CC2D2A: variants seen among roughly 807,000 people sequenced by gnomAD.
CC2D2A encodes the protein coiled-coil and C2 domain containing 2A.
Under a neutral mutation model 212.9 loss-of-function variants are expected in CC2D2A, and 155 were observed. That is an observed-to-expected ratio of 0.73 (90% CI 0.64 to 0.83). The LOEUF is 0.83. CC2D2A is among the 40% of genes least tolerant of loss of function. The pLI is 0.00. For synonymous variants in CC2D2A, 667 were observed against 686.5 expected (o/e 0.97, Z 0.44); for missense variants, 1,856 against 1,956.2 (o/e 0.95, Z 0.97).
At chr4:15,473,725 G>A (rs1713988669) in intron 1 of CC2D2A, among the ~76,000 whole-genome samples, 1 of 152,154 alleles carries the variant, frequency 6.6e-6, no homozygotes, top group South Asian at 2.1e-4. Flanking sequence ...AGAAGATGGT[G>A]TTTGACCATG....
intron 23 of CC2D2A, among the ~76,000 whole-genome samples, chr4:15,562,553 TA>T (rs977419692): frequency 1.3e-5 from 2 of 152,174 alleles, no homozygotes; most frequent in African/African-American, 4.8e-5. Flanking sequence ...CTCCTCCCTA[TA>T]CCTCCTCCTC....
At chr4:15,517,995 T>C (rs939287085) in intron 11 of CC2D2A, among the ~76,000 whole-genome samples, 1 of 152,088 alleles carries the variant, frequency 6.6e-6, no homozygotes, top group Admixed American at 6.6e-5. Context: ...CATAATTCAA[T>C]CACCTCCCAC....
At chr4:15,493,873 A>G (rs1038163586) in intron 4 of CC2D2A, among the ~76,000 whole-genome samples, 1 of 152,230 alleles carries the variant, frequency 6.6e-6, no homozygotes, top group Non-Finnish European at 1.5e-5. Context: ...TGGAGTTTGT[A>G]GAATACTAGT....
At chr4:15,516,596 T>C in intron 10 of CC2D2A, 29 bp from the exon 11 acceptor site, 1 of 1,594,832 alleles carries the variant, frequency 6.3e-7, no homozygotes, top group Non-Finnish European at 8.6e-7. Flanking sequence ...TAGAAGAAAA[T>C]GTTGCCATTC....
intron 14 of CC2D2A, 71 bp downstream of exon 14, chr4:15,533,404 C>T: frequency 1.7e-6 from 2 of 1,161,096 alleles, no homozygotes; most frequent in Non-Finnish European, 2.4e-6. Context: ...AACATGGATA[C>T]AGTTTTAAAA....
At chr4:15,593,817 G>C (rs1482606472) in intron 33 of CC2D2A, among the ~76,000 whole-genome samples, 1 of 152,122 alleles carries the variant, frequency 6.6e-6, no homozygotes, top group Non-Finnish European at 1.5e-5. Context: ...CTCTCACCCA[G>C]ATTATTCAAA....
At chr4:15,588,032 T>C (rs905354396) in intron 32 of CC2D2A, 103 bp downstream of exon 32, 7 of 627,474 alleles carry the variant, frequency 1.1e-5, no homozygotes, top group Non-Finnish European at 1.9e-5. Flanking sequence ...ATCCTTTGGG[T>C]TGCTAGGAAA....
intron 30 of CC2D2A, among the ~76,000 whole-genome samples, chr4:15,583,481 T>C (rs1442982870): frequency 2.0e-5 from 3 of 152,222 alleles, no homozygotes; most frequent in African/African-American, 7.2e-5. Flanking sequence ...TAAATAAGTT[T>C]AGTAAAGTTG....
rs749891760 is a variant in CC2D2A at position 15,535,207 on chromosome 4, G to A, written c.1608-1713G>A. Among the ~76,000 whole-genome samples the A allele has an allele frequency of 3.0e-4, 45 of 152,136 alleles. No homozygotes were observed. In the Middle Eastern group the frequency reaches 0.017, roughly 57 times the overall value. ...CAGAAATTCCAGTGTTTGTGCTTTC[G>A]AATTCCATCTCCTAGGCTGAGCCTC... On this transcript the variant is annotated intron_variant, in intron 14 of 36. Coordinates refer to ENST00000424120, the MANE Select transcript of CC2D2A (RefSeq NM_001378615.1).
chr4:15,600,149 A>G (rs776144217), intron 36 of CC2D2A, among the ~76,000 whole-genome samples: 2 of 152,234 alleles, frequency 1.3e-5, no homozygotes, highest in Non-Finnish European at 2.9e-5. Context: ...AATAAAACCT[A>G]CAAAGCAGGC....
At chr4:15,536,629 AAC>A (rs1718143727) in intron 14 of CC2D2A, among the ~76,000 whole-genome samples, 1 of 152,128 alleles carries the variant, frequency 6.6e-6, no homozygotes, top group Admixed American at 6.5e-5. Context: ...CAGATCATTT[AAC>A]ACAGAGAGGC....
intron 13 of CC2D2A, among the ~76,000 whole-genome samples, chr4:15,531,676 A>G (rs1012634406): frequency 1.3e-5 from 2 of 152,158 alleles, no homozygotes; most frequent in Non-Finnish European, 2.9e-5. Context: ...ACAAATTTTA[A>G]TTAAATATTA....
chr4:15,587,323 C>G (rs540117657), intron 31 of CC2D2A, among the ~76,000 whole-genome samples: 148 of 152,326 alleles, frequency 9.7e-4, no homozygotes, highest in African/African-American at 3.3e-3. Flanking sequence ...TAGTTCCTAA[C>G]AGGCCACAGA....
At chr4:15,593,927 C>T (rs998720160) in intron 33 of CC2D2A, among the ~76,000 whole-genome samples, 12 of 152,122 alleles carry the variant, frequency 7.9e-5, no homozygotes, top group African/African-American at 2.7e-4. Flanking sequence ...AATTGTCACT[C>T]CTCTACCCAA....
chr4:15,599,583 T>C lies in CC2D2A; in HGVS notation c.4551T>C (p.Thr1517=), dbSNP rs756862259. The C allele has an allele frequency of 1.2e-6, 2 of 1,608,544 alleles. 1 individual carries two copies. The highest frequency in any genetic ancestry group is 3.4e-5 in the Admixed American group (2 of 59,690). ...TGGACTGGAGGCCACGCCATCTGAC[T>C]CGGTGGAATAGGTATTGTACCTCTA... is the stretch of plus-strand genomic sequence containing the variant. ...KIMDWRPRHL[T]RWNRYCTSTL... The change falls in exon 36 of 37, where the codon ACT becomes ACC. Residue 1517 remains threonine, a synonymous_variant. Transcript: ENST00000424120.
intron 13 of CC2D2A, among the ~76,000 whole-genome samples, chr4:15,530,155 T>C (rs1717767503): frequency 6.6e-6 from 1 of 152,140 alleles, no homozygotes; most frequent in East Asian, 1.9e-4. Context: ...GTATTTTTAG[T>C]AGAGACGGCG....
rs778519147 is a variant in CC2D2A, at chr4:15,502,874, G to T, written c.389G>T (p.Arg130Leu). Residue 130 changes from arginine to leucine, a missense_variant, in exon 6 of 37, where the codon CGC becomes CTC. This residue lies in a region of CC2D2A where 1,512 missense variants were observed against 1,579.3 expected (regional missense o/e 0.96). Coordinates refer to ENST00000424120, the MANE Select transcript of CC2D2A (RefSeq NM_001378615.1). ...GAAATCCCCACTCCTCGGCCCAGAC[G>T]CTTACGAAGTCCCAGTAAGAAAGAA... ...LQEIPTPRPR[R>L]LRSPSKKELE... is the part of the protein sequence containing the mutation. 20 of 1,611,776 alleles carry T rather than the reference G, an allele frequency of 1.2e-5. No homozygotes were observed. The highest frequency in any genetic ancestry group is 3.3e-5 in the South Asian group (3 of 90,358).
At chr4:15,532,014 G>A (rs1194462697) in intron 13 of CC2D2A, among the ~76,000 whole-genome samples, 1 of 152,080 alleles carries the variant, frequency 6.6e-6, no homozygotes, top group Non-Finnish European at 1.5e-5. Flanking sequence ...AAGCAACCCA[G>A]TGCAGTCAAC....
At chr4:15,597,487 C>T in intron 35 of CC2D2A, 22 bp downstream of exon 35, 1 of 1,537,882 alleles carries the variant, frequency 6.5e-7, no homozygotes, top group Non-Finnish European at 8.8e-7. Flanking sequence ...TCCATAAATC[C>T]ACATGTAATC....
Sources: gnomAD v4.1 joint callset for allele counts (sites outside exome capture counted in the v4.1 genomes callset) on GRCh38, gnomAD v4.1.1 for gene constraint, gnomAD v4.1.1 regional missense constraint, MANE v1.5 for transcripts, NCBI Gene and HGNC (gene_info 2026-07-23, HGNC 2026-07-21) for gene names.